The following ZFP90 variants were observed in gnomAD, a reference collection of about 807,000 sequenced individuals.
ZFP90 encodes zinc finger protein 90 homolog.
A neutral mutation model predicts 60.8 loss-of-function variants in ZFP90; 38 were observed. That is an observed-to-expected ratio of 0.62 (90% CI 0.48 to 0.82). The LOEUF is 0.82. Among genes scored for constraint, ZFP90 ranks in the 40% least tolerant of loss-of-function variants. ZFP90 has a pLI of 0.00. For missense variants in ZFP90, 711 were observed against 759.1 expected (o/e 0.94, Z 0.74); for synonymous variants, 287 against 264.8 (o/e 1.08, Z -0.82).
rs886797308 is a variant in ZFP90, at chr16:68,539,457, C to T, written c.-58C>T. ...GGGCCGGAGGTCGCGAAATCCGGAG[C>T]CCCCCAGAGGCGGTGATTCTGAGTG... On this transcript the variant is annotated 5_prime_UTR_variant, in exon 1 of 5. Coordinates refer to ENST00000563169, the MANE Select transcript of ZFP90 (RefSeq NM_001305203.2). The T allele has an allele frequency of 1.5e-4, 57 of 373,688 alleles. No individual in the cohort carries two copies. Among genetic ancestry groups the T allele is most frequent in the Admixed American group, 4.2e-4 (9 of 21,572 alleles). The allele number at this position is 373,688 out of a possible 1,614,324, so 23.1% of individuals were successfully genotyped here.
chr16:68,570,431 A>G (rs1182834645), downstream of ZFP90, among the ~76,000 whole-genome samples: 1 of 152,228 alleles, frequency 6.6e-6, no homozygotes, highest in Non-Finnish European at 1.5e-5. Flanking sequence ...GCACTTGTGG[A>G]CAGTTGGCTA....
intron 2 of ZFP90, among the ~76,000 whole-genome samples, chr16:68,573,374 A>T (rs370735689): frequency 4.6e-5 from 7 of 152,164 alleles, no homozygotes; most frequent in African/African-American, 1.7e-4. Flanking sequence ...GCACACTTAA[A>T]ATCCCAGAAC....
chr16:68,558,433 T>G lies in ZFP90; in HGVS notation c.161-40T>G, dbSNP rs575786574. 22 of 1,590,052 alleles carry G rather than the reference T, an allele frequency of 1.4e-5. No homozygotes were observed. In the East Asian group the frequency reaches 3.6e-4, roughly 26 times the overall value. On this transcript the variant is annotated intron_variant, in intron 3 of 4. Coordinates refer to ENST00000563169, the MANE Select transcript of ZFP90 (RefSeq NM_001305203.2). ...TCCTTAGGAGGGTTCTTTGTCCACT[T>G]GCACAAACAACCAAATCTTGTGTAT...
chr16:68,544,407 A>G (rs1016767687), intron 2 of ZFP90, among the ~76,000 whole-genome samples: 1 of 152,172 alleles, frequency 6.6e-6, no homozygotes, highest in African/African-American at 2.4e-5. Flanking sequence ...GAGACATCCC[A>G]TCTCAAAACA....
At chr16:68,570,612 C>T (rs901483790), downstream of ZFP90, among the ~76,000 whole-genome samples, 2 of 152,204 alleles carry the variant, frequency 1.3e-5, no homozygotes, top group African/African-American at 4.8e-5. Flanking sequence ...GGGTCTTACG[C>T]TAATGAGCAA....
intron 1 of ZFP90, 107 bp from the exon 2 acceptor site, chr16:68,539,651 C>T: frequency 2.2e-6 from 2 of 904,052 alleles, no homozygotes; most frequent in Non-Finnish European, 1.6e-6. Flanking sequence ...ACGGTCCTCG[C>T]CACCATCTCC....
intron 2 of ZFP90, among the ~76,000 whole-genome samples, chr16:68,555,609 C>T (rs2091331170): frequency 6.6e-6 from 1 of 152,192 alleles, no homozygotes; most frequent in South Asian, 2.1e-4. Flanking sequence ...AAAGTATTAT[C>T]CCTGCCCTCA....
chr16:68,575,377 G>A (rs1032824134), intron 2 of ZFP90, among the ~76,000 whole-genome samples: 1 of 152,078 alleles, frequency 6.6e-6, no homozygotes, highest in Non-Finnish European at 1.5e-5. Context: ...GGGTGAGGAG[G>A]GCAGAGAAGA....
Position 68,563,792 on chromosome 16 carries a change from GAA to G in ZFP90, c.1007_1008del (p.Lys336ThrfsTer5). The G allele has an allele frequency of 2.5e-6, 4 of 1,614,158 alleles. No homozygotes were observed. Among genetic ancestry groups the G allele is most frequent in the Non-Finnish European group, 2.5e-6 (3 of 1,180,026 alleles). On this transcript the variant is annotated frameshift_variant, in exon 5 of 5. Transcript: ENST00000563169. LOFTEE classifies it high-confidence loss of function. ...AACACCAGCGAATTCACACTGGAGA[GAA>G]ACCCTATCGATGTAATCTATGTGGG... is the stretch of plus-strand genomic sequence containing the variant. Reference protein sequence around the residue: ...VQHQRIHTGEKPYRCNLCGRS... With the variant: ...VQHQRIHTGEXPYRCNLCGRS...
At position 68,566,321 on chromosome 16, in the gene ZFP90, G is replaced by C. The variant is rs565384508; in HGVS notation, c.*1623G>C. 5 of 985,438 alleles carry C rather than the reference G, an allele frequency of 5.1e-6. No homozygotes were observed. The highest frequency in any genetic ancestry group is 6.0e-6 in the Non-Finnish European group (5 of 829,914). The allele number at this position is 985,438 out of a possible 1,614,324, so 61.0% of individuals were successfully genotyped here. A position where few individuals can be genotyped will look rare whatever the true frequency, so the allele number is the denominator to read the frequency against. ...CTGGACATTGATTCCTTTTACACAA[G>C]AGCTGCCTCCCAAAGATAGATAAAT... On this transcript the variant is annotated 3_prime_UTR_variant, in exon 5 of 5. Transcript: ENST00000563169.
chr16:68,559,554 G>C (rs2091403018), intron 4 of ZFP90, among the ~76,000 whole-genome samples: 1 of 101,820 alleles, frequency 9.8e-6, no homozygotes, highest in Admixed American at 1.1e-4. Flanking sequence ...CCAGGGCCCA[G>C]ATTTTTAAAT....
exon 2 of ZFP90, chr16:68,533,722 G>A (rs572339810): frequency 6.6e-6 from 1 of 152,074 alleles, no homozygotes; most frequent in Non-Finnish European, 1.5e-5. Flanking sequence ...GCCCAGGCCG[G>A]AGTGCAATGG....
At position 68,550,503 on chromosome 16, in the gene ZFP90, A is replaced by G. The variant is rs1295785497; in HGVS notation, c.34-7495A>G. ...TGACCTCAGGTGATCCACTCACCTC[A>G]GCCTCCCAAAGTGCTGGGATTATAG... On this transcript the variant is annotated intron_variant, in intron 2 of 4. Coordinates refer to ENST00000563169, the MANE Select transcript of ZFP90 (RefSeq NM_001305203.2). Among the ~76,000 whole-genome samples, 3 of 152,118 alleles carry G rather than the reference A, an allele frequency of 2.0e-5. No individual in the cohort carries two copies. In the South Asian group the frequency reaches 6.2e-4, roughly 31 times the overall value.
chr16:68,561,268 A>G (rs992262208), intron 4 of ZFP90, among the ~76,000 whole-genome samples: 2 of 151,994 alleles, frequency 1.3e-5, no homozygotes, highest in Non-Finnish European at 2.9e-5. Context: ...GAAAATAGAA[A>G]CTCCCTGATT....
At chr16:68,567,972 GT>G, downstream of ZFP90, among the ~76,000 whole-genome samples, 1 of 152,226 alleles carries the variant, frequency 6.6e-6, no homozygotes, top group Admixed American at 6.5e-5. Flanking sequence ...TACTAAGGTG[GT>G]TAATTCCTAC....
intron 2 of ZFP90, among the ~76,000 whole-genome samples, chr16:68,549,295 T>C (rs184228437): frequency 7.2e-4 from 109 of 152,330 alleles, no homozygotes; most frequent in African/African-American, 2.4e-3. Context: ...GGCAAGACCC[T>C]CCATGCATGG....
chr16:68,570,036 A>ATG (rs777477955), downstream of ZFP90, among the ~76,000 whole-genome samples: 4 of 101,028 alleles, frequency 4.0e-5, no homozygotes, highest in South Asian at 6.8e-4. Flanking sequence ...CTCAAATTAT[A>ATG]TGTGTGTGTG....
At chr16:68,552,051 C>T (rs897812254) in intron 2 of ZFP90, among the ~76,000 whole-genome samples, 10 of 143,102 alleles carry the variant, frequency 7.0e-5, no homozygotes, top group Non-Finnish European at 1.1e-4. Flanking sequence ...TGAGCCACTG[C>T]GTCTGGCTGC....
chr16:68,536,383 C>T (rs372963133), upstream of ZFP90, among the ~76,000 whole-genome samples: 40 of 152,292 alleles, frequency 2.6e-4, no homozygotes, highest in African/African-American at 8.7e-4. Context: ...CAGCTCACTG[C>T]ATCCTCAACC....
Sources: gnomAD v4.1 joint callset for allele counts (sites outside exome capture counted in the v4.1 genomes callset) on GRCh38, gnomAD v4.1.1 for gene constraint, MANE v1.5 for transcripts, NCBI Gene and HGNC (gene_info 2026-07-23, HGNC 2026-07-21) for gene names.